Variants in ORC4 observed in about 807,000 individuals in gnomAD.
ORC4 encodes origin recognition complex subunit 4.
Under a neutral mutation model 63.9 loss-of-function variants are expected in ORC4, and 55 were observed. The observed-to-expected ratio is 0.86, with a 90% CI of 0.69 to 1.08. ORC4 has a LOEUF of 1.08. ORC4 is among the 50% of genes least tolerant of loss of function. The pLI is 0.00. For missense variants in ORC4, 511 were observed against 504.4 expected (o/e 1.01, Z -0.13); for synonymous variants, 150 against 168.5 (o/e 0.89, Z 0.85).
chr2:147,986,847 T>C (rs896234458), intron 1 of ORC4, among the ~76,000 whole-genome samples: 2 of 145,500 alleles, frequency 1.4e-5, no homozygotes, highest in Non-Finnish European at 3.0e-5. Flanking sequence ...AATAAAAAAC[T>C]AAAACCAAAA....
At chr2:148,009,995 A>G (rs1692851407) in intron 1 of ORC4, among the ~76,000 whole-genome samples, 1 of 152,218 alleles carries the variant, frequency 6.6e-6, no homozygotes, top group African/African-American at 2.4e-5. Flanking sequence ...CAAGTCTGAT[A>G]AAAAGTATAT....
chr2:148,000,134 C>T (rs1179941451), intron 1 of ORC4, among the ~76,000 whole-genome samples: 3 of 150,158 alleles, frequency 2.0e-5, no homozygotes, highest in Non-Finnish European at 4.4e-5. Context: ...GTTCCAGAAC[C>T]AAAAACAAAG....
Position 147,931,306 on chromosome 2 carries a change from A to G in ORC4, c.*4204T>C, listed in dbSNP as rs1421807507. The G allele has an allele frequency of 2.0e-5, 3 of 151,572 alleles. No individual in the cohort carries two copies. Among genetic ancestry groups the G allele is most frequent in the African/African-American group, 4.9e-5 (2 of 41,198 alleles). The allele number at this position is 151,572 out of a possible 1,614,324, so 9.4% of individuals were successfully genotyped here. On this transcript the variant is annotated 3_prime_UTR_variant, in exon 14 of 14. Transcript: ENST00000392857. ...AGTCTTTGCTATTGTGAATAATGCC[A>G]CAATAAACATACGTGTGCATGTGTC...
chr2:147,958,424 A>C, intron 5 of ORC4, 41 bp from the exon 6 acceptor site: 3 of 1,450,108 alleles, frequency 2.1e-6, no homozygotes, highest in African/African-American at 2.8e-5. Context: ...TTAAAATTAA[A>C]CATGTATTTG....
At chr2:147,982,518 T>C (rs974803744) in intron 1 of ORC4, among the ~76,000 whole-genome samples, 6 of 152,170 alleles carry the variant, frequency 3.9e-5, no homozygotes, top group Non-Finnish European at 7.4e-5. Context: ...AAAAGCTAAA[T>C]AAATGTCCAC....
chr2:148,010,071 A>G (rs1042053599), intron 1 of ORC4, among the ~76,000 whole-genome samples: 16 of 152,334 alleles, frequency 1.1e-4, no homozygotes, highest in African/African-American at 3.1e-4. Flanking sequence ...CTATACAAAC[A>G]TATAAGAATT....
At chr2:147,979,639 A>G (rs923180680) in intron 1 of ORC4, among the ~76,000 whole-genome samples, 1 of 152,210 alleles carries the variant, frequency 6.6e-6, no homozygotes, top group Non-Finnish European at 1.5e-5. Context: ...CATGAGCTAA[A>G]GAACAATGCT....
chr2:147,958,236 T>C, intron 6 of ORC4, 62 bp downstream of exon 6: 1 of 1,017,738 alleles, frequency 9.8e-7, no homozygotes, highest in Non-Finnish European at 1.5e-6. Context: ...TATAAAAATA[T>C]ACATGGTATA....
rs1481539293 is a variant in ORC4 at position 148,014,604 on chromosome 2, T to A, written c.-18+6029A>T. 5.3e-5 allele frequency among the ~76,000 whole-genome samples: 8 copies of A among 152,106 alleles called. No individual in the cohort carries two copies. In the South Asian group the frequency reaches 1.7e-3, roughly 31 times the overall value. Reference sequence around the variant, plus strand: ...GGAATTATCTTCAACAAACAACAAATGAACTATGAATATAGTCGGCCCTTC... The same window carrying A: ...GGAATTATCTTCAACAAACAACAAAAGAACTATGAATATAGTCGGCCCTTC... On this transcript the variant is annotated intron_variant, in intron 1 of 13. Coordinates refer to ENST00000392857, the MANE Select transcript of ORC4 (RefSeq NM_181741.4).
In ORC4 at chr2:147,952,562, A is replaced by G. The variant is rs202132537; in HGVS notation, c.437-38T>C. ...AAGAGCATTACATTAATAAGAAATT[A>G]TATCCACCTTTCCTAAATTTCCAAA... On this transcript the variant is annotated intron_variant, in intron 7 of 13. Coordinates refer to ENST00000392857, the MANE Select transcript of ORC4 (RefSeq NM_181741.4). The G allele has an allele frequency of 4.7e-6, 7 of 1,479,618 alleles. No individual in the cohort carries two copies. In the East Asian group the frequency reaches 1.4e-4, roughly 29 times the overall value. 91.7% of individuals were successfully genotyped at this position (1,479,618 alleles called of 1,614,324 possible). A position where few individuals can be genotyped will look rare whatever the true frequency, so the allele number is the denominator to read the frequency against.
At chr2:148,021,075 AC>A (rs1019754623), upstream of ORC4, 5 of 143,180 alleles carry the variant, frequency 3.5e-5, no homozygotes, top group East Asian at 2.2e-4. Flanking sequence ...TTCTACCCGA[AC>A]CCCCCCTCCC....
At chr2:147,966,956 G>A (rs1383457326) in intron 4 of ORC4, among the ~76,000 whole-genome samples, 1 of 151,978 alleles carries the variant, frequency 6.6e-6, no homozygotes, top group Non-Finnish European at 1.5e-5. Context: ...CTTCAATAAA[G>A]TATTAGTAAG....
intron 1 of ORC4, among the ~76,000 whole-genome samples, chr2:148,013,097 A>C (rs1235077044): frequency 1.3e-5 from 2 of 152,220 alleles, no homozygotes; most frequent in Non-Finnish European, 2.9e-5. Flanking sequence ...TATACCCAAG[A>C]GAAAGGAAAT....
At chr2:147,962,219 G>A (rs184415838) in intron 4 of ORC4, among the ~76,000 whole-genome samples, 4 of 152,190 alleles carry the variant, frequency 2.6e-5, no homozygotes, top group African/African-American at 9.6e-5. Flanking sequence ...AGTCCTCACC[G>A]CCATCACAAA....
At position 147,935,464 on chromosome 2, in the gene ORC4, T is replaced by C. The variant is rs1394997766; in HGVS notation, c.*46A>G. 2 of 1,394,190 alleles carry C rather than the reference T, an allele frequency of 1.4e-6. No individual in the cohort carries two copies. Among genetic ancestry groups the C allele is most frequent in the Non-Finnish European group, 1.0e-6 (1 of 980,080 alleles). 86.4% of individuals were successfully genotyped at this position (1,394,190 alleles called of 1,614,324 possible). A position where few individuals can be genotyped will look rare whatever the true frequency, so the allele number is the denominator to read the frequency against. On this transcript the variant is annotated 3_prime_UTR_variant, in exon 14 of 14. Transcript: ENST00000392857. ...TAATGGACAATAGTTTTCCGTTCTC[T>C]ACAGAAGTATGAATGAAATGCCAAA...
chr2:147,954,305 G>C (rs1396562198), intron 7 of ORC4, among the ~76,000 whole-genome samples: 1 of 152,128 alleles, frequency 6.6e-6, no homozygotes, highest in Admixed American at 6.6e-5. Flanking sequence ...CTTAATGACA[G>C]AGATACGTTC....
intron 1 of ORC4, among the ~76,000 whole-genome samples, chr2:148,014,091 T>A (rs1220149010): frequency 6.6e-6 from 1 of 152,122 alleles, no homozygotes; most frequent in Non-Finnish European, 1.5e-5. Flanking sequence ...ATGCCTGTAA[T>A]CCTATCCTTT....
intron 6 of ORC4, among the ~76,000 whole-genome samples, chr2:147,956,145 C>T (rs936612804): frequency 6.6e-6 from 1 of 151,876 alleles, no homozygotes; most frequent in East Asian, 1.9e-4. Context: ...AAAGAAACAG[C>T]CAACTTTAAA....
At chr2:148,014,884 G>A (rs77685596) in intron 1 of ORC4, among the ~76,000 whole-genome samples, 73 of 152,112 alleles carry the variant, frequency 4.8e-4, no homozygotes, top group African/African-American at 1.7e-3. Flanking sequence ...GTATCTGCAC[G>A]GGGTTCTGAA....
Sources: allele counts gnomAD v4.1 joint callset (sites outside exome capture counted in the v4.1 genomes callset), GRCh38; gene constraint gnomAD v4.1.1; transcripts MANE v1.5; gene names NCBI Gene and HGNC (gene_info 2026-07-23, HGNC 2026-07-21).